RYR2: variants seen among roughly 807,000 people sequenced by gnomAD.
RYR2 encodes the protein cardiac muscle ryanodine receptor-calcium release channel.
In RYR2, 227 loss-of-function variants were observed where a neutral mutation model predicts 601.1. The observed-to-expected ratio is 0.38, with a 90% CI of 0.34 to 0.42. RYR2 has a LOEUF of 0.42. Among genes scored for constraint, RYR2 ranks in the 10% least tolerant of loss-of-function variants. The pLI is 1.00. For synonymous variants in RYR2, 2,223 were observed against 2,175.1 expected (o/e 1.02, Z -0.61); for missense variants, 4,646 against 6,156.5 (o/e 0.75, Z 8.21).
chr1:237,225,111 A>G (rs1264926677), intron 1 of RYR2, among the ~76,000 whole-genome samples: 1 of 152,176 alleles, frequency 6.6e-6, no homozygotes, highest in Non-Finnish European at 1.5e-5. Context: ...TTCAAGTGGC[A>G]TCAGTGTTTT....
At chr1:237,360,906 G>T (rs1699731306) in intron 4 of RYR2, among the ~76,000 whole-genome samples, 2 of 152,128 alleles carry the variant, frequency 1.3e-5, no homozygotes, top group African/African-American at 2.4e-5. Flanking sequence ...TTAAGACAGG[G>T]TCTTGCTCTG....
At chr1:237,658,085 T>C in intron 54 of RYR2, 63 bp downstream of exon 54, 1 of 927,450 alleles carries the variant, frequency 1.1e-6, no homozygotes. Flanking sequence ...TGTTCAAATA[T>C]TTCTGACCAT....
chr1:237,340,540 T>C (rs185679743), intron 3 of RYR2, among the ~76,000 whole-genome samples: 10 of 152,346 alleles, frequency 6.6e-5, no homozygotes, highest in Admixed American at 5.2e-4. Context: ...TTAGTGTGTG[T>C]TTATATTGTA....
chr1:237,177,304 C>A (rs932429199), intron 1 of RYR2, among the ~76,000 whole-genome samples: 3 of 152,080 alleles, frequency 2.0e-5, no homozygotes, highest in Admixed American at 6.6e-5. Flanking sequence ...AATAACATTA[C>A]AGATATGTAA....
At chr1:237,627,658 G>T in intron 40 of RYR2, 149 bp from the exon 41 acceptor site, 1 of 746,930 alleles carries the variant, frequency 1.3e-6, no homozygotes, top group Non-Finnish European at 2.1e-6. Flanking sequence ...TCCAATGAAG[G>T]TTATTTTCTT....
intron 17 of RYR2, among the ~76,000 whole-genome samples, chr1:237,489,299 C>A (rs1663060601): frequency 6.6e-6 from 1 of 152,092 alleles, no homozygotes; most frequent in African/African-American, 2.4e-5. Flanking sequence ...CTCCAATCAC[C>A]AGAGAGAAAT....
intron 1 of RYR2, among the ~76,000 whole-genome samples, chr1:237,164,201 C>A (rs546560342): frequency 1.1e-4 from 16 of 152,318 alleles, no homozygotes; most frequent in Admixed American, 9.2e-4. Context: ...GCGAGAGAAT[C>A]GCTTGAAACC....
At chr1:237,601,858 A>G (rs372861913) in intron 34 of RYR2, among the ~76,000 whole-genome samples, 167 bp from the exon 35 acceptor site, 2 of 152,204 alleles carry the variant, frequency 1.3e-5, no homozygotes, top group East Asian at 1.9e-4. Flanking sequence ...CAGTGTTCAC[A>G]TAGTAATGAA....
intron 58 of RYR2, among the ~76,000 whole-genome samples, chr1:237,673,270 A>G (rs927369125): frequency 6.6e-6 from 1 of 152,150 alleles, no homozygotes; most frequent in Non-Finnish European, 1.5e-5. Context: ...TGCTGTTTTA[A>G]TAGCATTCTT....
At chr1:237,456,862 A>C in intron 16 of RYR2, 127 bp downstream of exon 16, 1 of 1,058,186 alleles carries the variant, frequency 9.5e-7, no homozygotes, top group Non-Finnish European at 1.3e-6. Flanking sequence ...GGATCATTTG[A>C]GGCCAGGAAT....
intron 1 of RYR2, among the ~76,000 whole-genome samples, chr1:237,139,151 TG>T (rs922749882): frequency 6.6e-5 from 10 of 152,344 alleles, no homozygotes; most frequent in African/African-American, 2.4e-4. Flanking sequence ...AATGAGTGGA[TG>T]AGCATGATAT....
intron 12 of RYR2, among the ~76,000 whole-genome samples, chr1:237,434,885 C>T (rs1707186987): frequency 6.6e-6 from 1 of 152,088 alleles, no homozygotes; most frequent in Admixed American, 6.5e-5. Context: ...AAGCAATTCT[C>T]CCACCTCAGC....
rs188442886 is a variant in RYR2, at chr1:237,497,881, A to C, written c.2203+1129A>C. Among the ~76,000 whole-genome samples the C allele has an allele frequency of 1.8e-4, 27 of 151,312 alleles. No homozygotes were observed. The East Asian group carries it at 2.9e-3, about 16-fold the overall frequency. ...GTGAATTTTTAATTTTTTTTTTTCG[A>C]GACAGAGTCTTGCTCTGTTGCCCAG... On this transcript the variant is annotated intron_variant, in intron 20 of 104. Transcript: ENST00000366574.
rs1200279072 is a variant in RYR2, at chr1:237,770,814, G to T, written c.11484G>T (p.Lys3828Asn). 1.3e-6 allele frequency: 2 copies of T among 1,551,854 alleles called. No individual in the cohort carries two copies. The highest frequency in any genetic ancestry group is 3.9e-5 in the Admixed American group (2 of 51,436). The change falls in exon 85 of 105, where the codon AAG (lysine) becomes AAT (asparagine). Residue 3828 changes from lysine (K) to asparagine (N), a missense_variant. Lys to Asn is a moderately conservative substitution (Grantham distance 94). This residue lies in a region of RYR2 where 1,497 missense variants were observed against 1,842.6 expected (regional missense o/e 0.81). Coordinates refer to ENST00000366574, the MANE Select transcript of RYR2 (RefSeq NM_001035.3). ...CCTCTGGATTTCCCACAGGAGAAAA[G>T]GTTCTGCAGGACGATGAGTTCACCT... The part of the protein sequence containing the change: ...GMVTEEGSGE[K>N]VLQDDEFTCD...
chr1:237,368,799 GTTTATTTA>G (rs202090317), intron 5 of RYR2, among the ~76,000 whole-genome samples: 1,878 of 129,210 alleles, frequency 0.015, 27 homozygotes, highest in African/African-American at 0.032. Context: ...TTGAATCAAC[GTTTATTTA>G]TTTATTTATT....
intron 34 of RYR2, among the ~76,000 whole-genome samples, chr1:237,598,785 G>A (rs12141403): frequency 0.2 from 30,182 of 151,758 alleles, 3,379 homozygotes; most frequent in East Asian, 0.47. Context: ...ATTAATAGAA[G>A]TAAATAAATA....
intron 1 of RYR2, among the ~76,000 whole-genome samples, chr1:237,135,532 A>ATT (rs71178396): frequency 6.6e-5 from 9 of 136,106 alleles, no homozygotes; most frequent in Non-Finnish European, 1.2e-4. Flanking sequence ...ACCACACCTA[A>ATT]TTTTTTTTTT....
At chr1:237,333,089 T>C (rs910159794) in intron 3 of RYR2, among the ~76,000 whole-genome samples, 8 of 152,232 alleles carry the variant, frequency 5.3e-5, no homozygotes, top group African/African-American at 1.9e-4. Context: ...CTCTAGAATG[T>C]CTCCATCACA....
chr1:237,471,581 A>G (rs769881085), intron 17 of RYR2, among the ~76,000 whole-genome samples: 8 of 152,206 alleles, frequency 5.3e-5, no homozygotes, highest in Non-Finnish European at 1.2e-4. Flanking sequence ...CTCAGAGCAG[A>G]GTGTTAACAC....
Sources: gnomAD v4.1 joint callset for allele counts (sites outside exome capture counted in the v4.1 genomes callset) on GRCh38, gnomAD v4.1.1 for gene constraint, gnomAD v4.1.1 regional missense constraint, MANE v1.5 for transcripts, NCBI Gene and HGNC (gene_info 2026-07-23, HGNC 2026-07-21) for gene names.